GRID2: variants seen among roughly 807,000 people sequenced by gnomAD.
GRID2 encodes glutamate ionotropic receptor delta type subunit 2.
GRID2 carries 33 observed loss-of-function variants against 114.8 expected under a neutral mutation model. The ratio of observed to expected loss-of-function variants is 0.29; its 90% confidence interval spans 0.22 to 0.38. The LOEUF (loss-of-function observed/expected upper bound fraction) is 0.38, where lower values mean the gene tolerates loss of function less well. GRID2 is among the 10% of genes least tolerant of loss of function. GRID2 has a pLI of 1.00. For missense variants in GRID2, 1,184 were observed against 1,257.7 expected (o/e 0.94, Z 0.89); for synonymous variants, 505 against 449.9 (o/e 1.12, Z -1.55).
At chr4:92,624,959 G>T (rs1055969603) in intron 2 of GRID2, among the ~76,000 whole-genome samples, 33 of 151,854 alleles carry the variant, frequency 2.2e-4, no homozygotes, top group African/African-American at 6.5e-4. Flanking sequence ...TAATAGTTCA[G>T]ACTAAGAAAG....
intron 13 of GRID2, among the ~76,000 whole-genome samples, chr4:93,570,460 A>G (rs981802525): frequency 2.0e-5 from 3 of 152,156 alleles, no homozygotes; most frequent in African/African-American, 7.2e-5. Flanking sequence ...GGAGACAATA[A>G]GTTGGTTAAG....
intron 3 of GRID2, 99 bp downstream of exon 3, chr4:93,085,378 T>C: frequency 1.1e-6 from 1 of 918,996 alleles, no homozygotes; most frequent in South Asian, 1.6e-5. Flanking sequence ...CTCATTGTTA[T>C]TTGTGGTTTT....
intron 8 of GRID2, among the ~76,000 whole-genome samples, chr4:93,294,122 A>G (rs972543544): frequency 2.0e-5 from 3 of 152,192 alleles, no homozygotes; most frequent in Non-Finnish European, 2.9e-5. Flanking sequence ...TAAAGGAACA[A>G]GCTATGTGGG....
At chr4:93,801,321 T>C (rs1734923023) in intron 1 of GRID2, among the ~76,000 whole-genome samples, 1 of 152,078 alleles carries the variant, frequency 6.6e-6, no homozygotes, top group South Asian at 2.1e-4. Flanking sequence ...AAAATTGAGT[T>C]TAATTTGAAA....
chr4:92,887,560 T>C (rs900553245), intron 2 of GRID2, among the ~76,000 whole-genome samples: 2 of 152,174 alleles, frequency 1.3e-5, no homozygotes, highest in Non-Finnish European at 2.9e-5. Context: ...CAATGGATCT[T>C]GATTCTGATC....
At position 93,207,421 on chromosome 4, in the gene GRID2, G is replaced by C. The variant is rs767795365; in HGVS notation, c.753G>C (p.Leu251Phe). ...SFITEVVETN[L>F]VAFDCHWIII... is the part of the protein sequence containing the mutation. ...TATTCTAGGTTGTGGAGACTAATTTGGTTGCTTTTGACTGTCACTGGATCA... is the reference window on the plus strand; with the variant it reads ...TATTCTAGGTTGTGGAGACTAATTTCGTTGCTTTTGACTGTCACTGGATCA... The change falls in exon 5 of 16, where the codon TTG becomes TTC. Residue 251 changes from leucine to phenylalanine, a missense_variant. Physicochemically the swap from Leu to Phe is conservative, Grantham distance 22. This residue lies in a region of GRID2 where 455 missense variants were observed against 429.5 expected (regional missense o/e 1.06). Transcript: ENST00000282020. 1.2e-5 allele frequency: 20 copies of C among 1,602,510 alleles called. No homozygotes were observed. The highest frequency in any genetic ancestry group is 1.7e-5 in the Non-Finnish European group (20 of 1,170,164).
At chr4:92,814,318 A>G (rs1004029514) in intron 2 of GRID2, among the ~76,000 whole-genome samples, 14 of 152,302 alleles carry the variant, frequency 9.2e-5, no homozygotes, top group African/African-American at 3.4e-4. Context: ...ATGTAATGGA[A>G]GATTAGCTAG....
At chr4:93,613,296 C>T (rs1741174691) in intron 13 of GRID2, among the ~76,000 whole-genome samples, 1 of 136,648 alleles carries the variant, frequency 7.3e-6, no homozygotes, top group East Asian at 2.1e-4. Context: ...TCGTCTGAAG[C>T]CTTCTTCTCT....
intron 1 of GRID2, among the ~76,000 whole-genome samples, chr4:92,540,935 T>C (rs13151766): frequency 8.5e-5 from 13 of 152,212 alleles, no homozygotes; most frequent in African/African-American, 2.6e-4. Flanking sequence ...AAATGTGGCA[T>C]ATATACACCA....
At chr4:92,641,392 C>G (rs1264846604) in intron 2 of GRID2, among the ~76,000 whole-genome samples, 1 of 151,610 alleles carries the variant, frequency 6.6e-6, no homozygotes, top group African/African-American at 2.4e-5. Flanking sequence ...TCAAGCAATC[C>G]TCTGTGTCTC....
chr4:92,479,171 A>G (rs1279164349), intron 1 of GRID2, among the ~76,000 whole-genome samples: 1 of 152,150 alleles, frequency 6.6e-6, no homozygotes, highest in African/African-American at 2.4e-5. Flanking sequence ...GAAATATTAC[A>G]CCTTGTGTAT....
chr4:92,544,840 C>T (rs1183799336), intron 1 of GRID2, among the ~76,000 whole-genome samples: 2 of 152,072 alleles, frequency 1.3e-5, no homozygotes, highest in Non-Finnish European at 2.9e-5. Context: ...CTAACAGAAG[C>T]CTCTGCTAGA....
chr4:93,476,597 G>T (rs1374930363), intron 11 of GRID2, among the ~76,000 whole-genome samples: 1 of 151,964 alleles, frequency 6.6e-6, no homozygotes, highest in Non-Finnish European at 1.5e-5. Context: ...GAGGCTACTT[G>T]GTTTCTCCTT....
At chr4:93,477,922 A>G (rs1725476077) in intron 11 of GRID2, among the ~76,000 whole-genome samples, 1 of 152,142 alleles carries the variant, frequency 6.6e-6, no homozygotes, top group Non-Finnish European at 1.5e-5. Context: ...TTAATGATAA[A>G]CATTATGTGT....
rs1351013058 is a variant in GRID2, at chr4:92,899,619, A to G, written c.245-185376A>G. 2.6e-5 allele frequency among the ~76,000 whole-genome samples: 4 copies of G among 152,158 alleles called. No individual in the cohort carries two copies. The East Asian group carries it at 7.7e-4, about 29-fold the overall frequency. ...TTTGTTTTATTCATTTACATTTTTT[A>G]CAAACAAGAAGAACACTATGATCTT... On this transcript the variant is annotated intron_variant, in intron 2 of 15. Coordinates refer to ENST00000282020, the MANE Select transcript of GRID2 (RefSeq NM_001510.4).
intron 2 of GRID2, among the ~76,000 whole-genome samples, chr4:92,846,471 G>T (rs1015795270): frequency 3.3e-5 from 5 of 152,084 alleles, no homozygotes; most frequent in Non-Finnish European, 7.4e-5. Flanking sequence ...GTCTCCCACT[G>T]CATTCATGTT....
chr4:92,697,533 T>C (rs1734476901), intron 2 of GRID2, among the ~76,000 whole-genome samples: 1 of 152,170 alleles, frequency 6.6e-6, no homozygotes, highest in Admixed American at 6.5e-5. Context: ...ATAACTGGCA[T>C]GACCAAAGCA....
At chr4:93,216,446 A>G (rs556033809) in intron 5 of GRID2, among the ~76,000 whole-genome samples, 2 of 152,264 alleles carry the variant, frequency 1.3e-5, no homozygotes, top group East Asian at 1.9e-4. Context: ...TGTTTCTACA[A>G]TGTTCAACAT....
intron 11 of GRID2, among the ~76,000 whole-genome samples, chr4:93,488,233 G>A (rs548132502): frequency 4.4e-4 from 67 of 151,850 alleles, no homozygotes; most frequent in Non-Finnish European, 6.5e-4. Flanking sequence ...TCATATGGAT[G>A]TAAAAATAAA....
Sources: allele counts gnomAD v4.1 joint callset (sites outside exome capture counted in the v4.1 genomes callset), GRCh38; gene constraint gnomAD v4.1.1; regional missense constraint gnomAD v4.1.1; transcripts MANE v1.5; gene names NCBI Gene and HGNC (gene_info 2026-07-23, HGNC 2026-07-21).